The following SKI variants were observed in gnomAD, a reference collection of about 807,000 sequenced individuals.
SKI encodes SKI proto-oncogene, also known as ski oncogene.
In SKI, 23 loss-of-function variants were observed where a neutral mutation model predicts 59.3. The ratio of observed to expected loss-of-function variants is 0.39; its 90% CI spans 0.28 to 0.55. The LOEUF (loss-of-function observed/expected upper bound fraction) is 0.55, where lower values mean the gene tolerates loss of function less well. Ranked by LOEUF, SKI falls within the 20% of genes least tolerant of loss-of-function variation. The probability of loss-of-function intolerance (pLI) is 0.67; values close to 1 mark genes in which losing one functional copy is unlikely to be tolerated. For synonymous variants in SKI, 673 were observed against 488.6 expected (o/e 1.38, Z -4.98); for missense variants, 1,017 against 1,038.9 (o/e 0.98, Z 0.29).
At chr1:2,300,231 G>A (rs769033039) in intron 1 of SKI, among the ~76,000 whole-genome samples, 15 of 152,258 alleles carry the variant, frequency 9.9e-5, no homozygotes, top group Non-Finnish European at 1.6e-4. Context: ...GCGGTGTGTC[G>A]TCTGGCCTCC....
intron 1 of SKI, among the ~76,000 whole-genome samples, chr1:2,300,820 C>G (rs1640405353): frequency 6.6e-6 from 1 of 152,116 alleles, no homozygotes; most frequent in South Asian, 2.1e-4. Flanking sequence ...GCCCTGAGCC[C>G]ATCTGCCTCA....
At chr1:2,306,508 T>TGGGGGAAGCAG in intron 6 of SKI, 69 bp from the exon 7 acceptor site, 1 of 1,457,028 alleles carries the variant, frequency 6.9e-7, no homozygotes. Context: ...GAGCCTCGGG[T>TGGGGGAAGCAG]GGGGGAAGCA....
chr1:2,271,133 C>A (rs60635488), intron 1 of SKI, among the ~76,000 whole-genome samples: 2 of 151,978 alleles, frequency 1.3e-5, no homozygotes, highest in African/African-American at 4.8e-5. Context: ...GCACACAAGC[C>A]TGGGCTCCTT....
chr1:2,251,222 A>G (rs1639140928), intron 1 of SKI, among the ~76,000 whole-genome samples: 1 of 152,184 alleles, frequency 6.6e-6, no homozygotes, highest in East Asian at 1.9e-4. Flanking sequence ...TTCTAGTCAC[A>G]GTTTTGATGC....
At chr1:2,235,694 T>C (rs1638737343) in intron 1 of SKI, among the ~76,000 whole-genome samples, 1 of 152,240 alleles carries the variant, frequency 6.6e-6, no homozygotes, top group Non-Finnish European at 1.5e-5. Context: ...TGCTGCCACA[T>C]GAGCCTGCTT....
intron 1 of SKI, among the ~76,000 whole-genome samples, chr1:2,299,303 C>T (rs996701719): frequency 7.2e-5 from 11 of 152,160 alleles, no homozygotes; most frequent in African/African-American, 2.4e-4. Context: ...CCCATGTCCT[C>T]CTCACGGACT....
At chr1:2,305,873 G>A (rs900616039) in intron 5 of SKI, 147 bp from the exon 6 acceptor site, 4 of 718,884 alleles carry the variant, frequency 5.6e-6, no homozygotes, top group African/African-American at 5.2e-5. Context: ...GCACCACACG[G>A]GTTGGGCTGA....
chr1:2,303,436 G>T lies in SKI; in HGVS notation c.1211+36G>T, dbSNP rs573156782. ...GCCATTCACAGGTGTTTCTGATCACGGGGGAGGCTCCACGAGGGCTGTGCA... is the reference window on the plus strand; with the variant it reads ...GCCATTCACAGGTGTTTCTGATCACTGGGGAGGCTCCACGAGGGCTGTGCA... On this transcript the variant is annotated intron_variant, in intron 3 of 6. Transcript: ENST00000378536. The surrounding 1 kb of genome is among the most constrained non-coding windows in gnomAD (Gnocchi z 5.6). 7 of 1,554,562 alleles carry T rather than the reference G, an allele frequency of 4.5e-6. No individual in the cohort carries two copies. In the African/African-American group the frequency reaches 9.2e-5, roughly 20 times the overall value.
At chr1:2,296,028 G>A (rs781564190) in intron 1 of SKI, among the ~76,000 whole-genome samples, 6 of 152,124 alleles carry the variant, frequency 3.9e-5, no homozygotes, top group Non-Finnish European at 7.3e-5. Flanking sequence ...ATAATTGTAC[G>A]TTCCTCTTAG....
chr1:2,286,172 T>C (rs1443765642), intron 1 of SKI, among the ~76,000 whole-genome samples: 1 of 152,232 alleles, frequency 6.6e-6, no homozygotes, highest in East Asian at 1.9e-4. Flanking sequence ...ACGCCCAGCC[T>C]ACTGTTCATC....
At chr1:2,283,088 C>G (rs1639945515) in intron 1 of SKI, among the ~76,000 whole-genome samples, 1 of 152,230 alleles carries the variant, frequency 6.6e-6, no homozygotes, top group African/African-American at 2.4e-5. Flanking sequence ...GGGAATGACC[C>G]CACGCCATGG....
intron 1 of SKI, among the ~76,000 whole-genome samples, chr1:2,280,066 C>A (rs1021362346): frequency 6.6e-6 from 1 of 152,144 alleles, no homozygotes; most frequent in Non-Finnish European, 1.5e-5. Flanking sequence ...ACCTGAACCC[C>A]CTCTGGAAGG....
chr1:2,275,138 G>A (rs1639713079), intron 1 of SKI, among the ~76,000 whole-genome samples: 1 of 152,368 alleles, frequency 6.6e-6, no homozygotes, highest in South Asian at 2.1e-4. Flanking sequence ...CATGAGAGGA[G>A]CTTCTAGAGA....
chr1:2,271,062 T>G (rs938965509), intron 1 of SKI, among the ~76,000 whole-genome samples: 1 of 152,132 alleles, frequency 6.6e-6, no homozygotes, highest in South Asian at 2.1e-4. Context: ...CTGTGGGGGT[T>G]GGAGGGATGC....
chr1:2,286,088 A>G (rs901243572), intron 1 of SKI, among the ~76,000 whole-genome samples: 1 of 151,692 alleles, frequency 6.6e-6, no homozygotes, highest in Non-Finnish European at 1.5e-5. Flanking sequence ...TGGCCAGGCT[A>G]GTCTTGAACT....
intron 1 of SKI, among the ~76,000 whole-genome samples, chr1:2,280,585 C>T (rs113449428): frequency 4.7e-4 from 70 of 148,176 alleles, no homozygotes; most frequent in Non-Finnish European, 4.4e-4. Context: ...AGACAGGCGG[C>T]GGCGGCGATC....
chr1:2,290,604 C>T lies in SKI; in HGVS notation c.970-12374C>T, dbSNP rs540181369. ...TCCCCCAGAGTTTTCTGTGCGCTGC[C>T]GTGTGTCTGGGCCAGCGCTGGGGGC... On this transcript the variant is annotated intron_variant, in intron 1 of 6. Coordinates refer to ENST00000378536, the MANE Select transcript of SKI (RefSeq NM_003036.4). Among the ~76,000 whole-genome samples, 6 of 152,262 alleles carry T rather than the reference C, an allele frequency of 3.9e-5. No homozygotes were observed. In the South Asian group the frequency reaches 1.0e-3, roughly 26 times the overall value.
chr1:2,229,885 G>A lies in SKI; in HGVS notation c.969+150G>A. 1.4e-6 allele frequency: 2 copies of A among 1,425,810 alleles called. No individual in the cohort carries two copies. Among genetic ancestry groups the A allele is most frequent in the East Asian group, 2.5e-5 (1 of 40,016 alleles). The allele number at this position is 1,425,810 out of a possible 1,614,324, so 88.3% of individuals were successfully genotyped here. A position where few individuals can be genotyped will look rare whatever the true frequency, so the allele number is the denominator to read the frequency against. ...TCGCTTTGTTTTAGGGAAATTCAGA[G>A]TGTTCCGACTGGCAGGGCCAGAGAG... is the stretch of plus-strand genomic sequence containing the variant. On this transcript the variant is annotated intron_variant, in intron 1 of 6. Coordinates refer to ENST00000378536, the MANE Select transcript of SKI (RefSeq NM_003036.4). The surrounding 1 kb of genome is among the most constrained non-coding windows in gnomAD (Gnocchi z 6.3).
chr1:2,253,791 T>G (rs1569730422), intron 1 of SKI, among the ~76,000 whole-genome samples: 2 of 151,560 alleles, frequency 1.3e-5, no homozygotes, highest in Admixed American at 6.6e-5. Flanking sequence ...GGTTTGGGGG[T>G]GTTGTGCCCC....
Sources: gnomAD v4.1 joint callset for allele counts (sites outside exome capture counted in the v4.1 genomes callset) on GRCh38, gnomAD v4.1.1 for gene constraint, Gnocchi (gnomAD v3.1) non-coding constraint, MANE v1.5 for transcripts, NCBI Gene and HGNC (gene_info 2026-07-23, HGNC 2026-07-21) for gene names.